CLYBL: variants seen among roughly 807,000 people sequenced by gnomAD.
CLYBL encodes citramalyl-CoA lyase, mitochondrial.
CLYBL carries 31 observed loss-of-function variants against 38.9 expected under a neutral mutation model. The observed-to-expected ratio is 0.80, with a 90% CI of 0.60 to 1.08. The LOEUF (loss-of-function observed/expected upper bound fraction) is 1.08. Among genes scored for constraint, CLYBL ranks in the 50% least tolerant of loss-of-function variants. The pLI is 0.00. For synonymous variants in CLYBL, 171 were observed against 158.6 expected (o/e 1.08, Z -0.59); for missense variants, 434 against 411.6 (o/e 1.05, Z -0.47).
chr13:99,839,392 C>A (rs925465239), intron 2 of CLYBL, among the ~76,000 whole-genome samples: 1 of 152,220 alleles, frequency 6.6e-6, no homozygotes, highest in African/African-American at 2.4e-5. Context: ...AGAAACAGAT[C>A]ATCAGTTGCC....
intron 1 of CLYBL, among the ~76,000 whole-genome samples, chr13:99,665,468 A>C (rs868576474): frequency 3.9e-5 from 6 of 152,116 alleles, no homozygotes; most frequent in African/African-American, 1.2e-4. Context: ...TAATATAAAG[A>C]AAACAAATTT....
At chr13:99,769,136 C>G (rs906331344) in intron 1 of CLYBL, among the ~76,000 whole-genome samples, 1 of 152,158 alleles carries the variant, frequency 6.6e-6, no homozygotes, top group Non-Finnish European at 1.5e-5. Flanking sequence ...TTTGTTTCTG[C>G]CTACCCTGGC....
intron 1 of CLYBL, among the ~76,000 whole-genome samples, chr13:99,664,752 A>C (rs897612420): frequency 2.0e-5 from 3 of 152,232 alleles, no homozygotes; most frequent in Non-Finnish European, 4.4e-5. Context: ...ATTTGGAACG[A>C]AGAAGCTGTT....
chr13:99,646,207 C>A (rs2047173519), intron 1 of CLYBL, among the ~76,000 whole-genome samples: 1 of 152,132 alleles, frequency 6.6e-6, no homozygotes, highest in African/African-American at 2.4e-5. Context: ...TAATCAGGCA[C>A]TGCTTTTATA....
At chr13:99,844,566 A>T (rs993059720) in intron 2 of CLYBL, among the ~76,000 whole-genome samples, 2 of 152,202 alleles carry the variant, frequency 1.3e-5, no homozygotes, top group African/African-American at 4.8e-5. Context: ...TGGTCTGGAT[A>T]AAAAGGCCGG....
rs1200547735 is a variant in CLYBL, at chr13:99,865,782, C to G, written c.635-458C>G. Among the ~76,000 whole-genome samples the G allele has an allele frequency of 6.6e-6, 1 of 152,220 alleles. No homozygotes were observed. Among genetic ancestry groups the G allele is most frequent in the Non-Finnish European group, 1.5e-5 (1 of 68,038 alleles). On this transcript the variant is annotated intron_variant, in intron 5 of 8. Coordinates refer to ENST00000339105, the MANE Select transcript of CLYBL (RefSeq NM_206808.5). The surrounding 1 kb of genome is among the most constrained non-coding windows in gnomAD (Gnocchi z 4.7). ...ATCCAGACAGACCCTGAAGCTGAAG[C>G]ATTTGGCTCAGAACTTCAGTTTGGA... is the stretch of plus-strand genomic sequence containing the variant.
chr13:99,808,470 G>A (rs1481770050), intron 2 of CLYBL, among the ~76,000 whole-genome samples: 1 of 149,066 alleles, frequency 6.7e-6, no homozygotes, highest in Non-Finnish European at 1.5e-5. Flanking sequence ...AGTCACCGGA[G>A]ATAATACTAT....
At chr13:99,827,231 C>T (rs1170303345) in intron 2 of CLYBL, among the ~76,000 whole-genome samples, 5 of 152,114 alleles carry the variant, frequency 3.3e-5, no homozygotes, top group Admixed American at 2.0e-4. Flanking sequence ...TTCAATTGTC[C>T]GTGACTGTGT....
intron 1 of CLYBL, among the ~76,000 whole-genome samples, chr13:99,650,818 C>T (rs79047742): frequency 0.014 from 2,097 of 152,196 alleles, 49 homozygotes; most frequent in African/African-American, 0.048. Context: ...GACGTCATTG[C>T]GCTCCTCTCC....
chr13:99,885,550 A>G (rs1363079378), intron 7 of CLYBL, among the ~76,000 whole-genome samples: 4 of 152,164 alleles, frequency 2.6e-5, no homozygotes, highest in African/African-American at 9.7e-5. Flanking sequence ...TTAGAAAGAT[A>G]ACAGCACGCT....
At chr13:99,904,429 C>T (rs1171292549) in intron 8 of CLYBL, among the ~76,000 whole-genome samples, 2 of 152,194 alleles carry the variant, frequency 1.3e-5, no homozygotes, top group African/African-American at 4.8e-5. Context: ...GTTTGGGTCT[C>T]ATGAATTGAT....
intron 2 of CLYBL, among the ~76,000 whole-genome samples, chr13:99,785,811 T>C (rs546818803): frequency 2.6e-5 from 4 of 152,246 alleles, no homozygotes; most frequent in African/African-American, 9.6e-5. Context: ...TTGGCCAGGC[T>C]GGTCTTGAAC....
chr13:99,815,893 TTAAC>T (rs2050436999), intron 2 of CLYBL, among the ~76,000 whole-genome samples: 1 of 152,064 alleles, frequency 6.6e-6, no homozygotes, highest in African/African-American at 2.4e-5. Context: ...ATAATAATAA[TTAAC>T]TAAAATTTAA....
intron 4 of CLYBL, among the ~76,000 whole-genome samples, chr13:99,863,751 TG>T (rs2051668852): frequency 6.6e-6 from 1 of 152,218 alleles, no homozygotes; most frequent in Non-Finnish European, 1.5e-5. Flanking sequence ...TTCCAAAATA[TG>T]CCTCTCATTC....
At chr13:99,871,180 A>G in intron 7 of CLYBL, 118 bp downstream of exon 7, 1 of 1,177,876 alleles carries the variant, frequency 8.5e-7, no homozygotes, top group South Asian at 1.3e-5. Context: ...AGAGGGGGGA[A>G]AGGGAGGGAA....
At chr13:99,779,697 A>T (rs2049598892) in intron 2 of CLYBL, among the ~76,000 whole-genome samples, 1 of 152,212 alleles carries the variant, frequency 6.6e-6, no homozygotes, top group South Asian at 2.1e-4. Flanking sequence ...GGCATGGTAA[A>T]GTTTCAGGGA....
At chr13:99,882,111 A>T (rs2052225416) in intron 7 of CLYBL, among the ~76,000 whole-genome samples, 1 of 152,154 alleles carries the variant, frequency 6.6e-6, no homozygotes, top group African/African-American at 2.4e-5. Flanking sequence ...ATAATTTAAA[A>T]TACATAGTAT....
At chr13:99,820,501 G>T in intron 2 of CLYBL, among the ~76,000 whole-genome samples, 1 of 122,818 alleles carries the variant, frequency 8.1e-6, no homozygotes, top group African/African-American at 3.3e-5. Flanking sequence ...CCCAAAGAAT[G>T]TCTACCTAGC....
intron 2 of CLYBL, among the ~76,000 whole-genome samples, chr13:99,809,833 A>G (rs568723351): frequency 1.4e-4 from 22 of 152,330 alleles, no homozygotes; most frequent in African/African-American, 5.3e-4. Context: ...AAGACATGCC[A>G]GTCTGCCAGT....
Sources: allele counts gnomAD v4.1 joint callset (sites outside exome capture counted in the v4.1 genomes callset), GRCh38; gene constraint gnomAD v4.1.1; non-coding constraint Gnocchi (gnomAD v3.1); transcripts MANE v1.5; gene names NCBI Gene and HGNC (gene_info 2026-07-23, HGNC 2026-07-21).